The following ZAP70 variants were observed in gnomAD, a reference collection of about 807,000 sequenced individuals.
ZAP70 encodes tyrosine-protein kinase ZAP-70.
A neutral mutation model predicts 65.8 loss-of-function variants in ZAP70; 27 were observed. The ratio of observed to expected loss-of-function variants is 0.41; its 90% CI spans 0.30 to 0.57. The LOEUF (loss-of-function observed/expected upper bound fraction) is 0.57. Among genes scored for constraint, ZAP70 ranks in the 20% least tolerant of loss-of-function variants. The probability of loss-of-function intolerance (pLI) is 0.28; values close to 1 mark genes in which losing one functional copy is unlikely to be tolerated. For missense variants in ZAP70, 696 were observed against 870.5 expected (o/e 0.80, Z 2.52); for synonymous variants, 363 against 360.8 (o/e 1.01, Z -0.07).
chr2:97,718,298 G>A (rs781206794), intron 2 of ZAP70, among the ~76,000 whole-genome samples: 2 of 152,134 alleles, frequency 1.3e-5, no homozygotes, highest in African/African-American at 2.4e-5. Flanking sequence ...GCTCTAGATC[G>A]GTGCAGCTCA....
chr2:97,738,874 A>G (rs1678021665), intron 13 of ZAP70, among the ~76,000 whole-genome samples: 1 of 152,004 alleles, frequency 6.6e-6, no homozygotes, highest in African/African-American at 2.4e-5. Context: ...TAGCACCCCA[A>G]CACAGTCCAT....
chr2:97,714,676 G>T (rs1396429117), intron 2 of ZAP70, among the ~76,000 whole-genome samples: 3 of 152,218 alleles, frequency 2.0e-5, no homozygotes, highest in Non-Finnish European at 4.4e-5. Context: ...GAGGTGAGCA[G>T]CTCGAGATGA....
At chr2:97,723,820 G>A (rs1472345034) in intron 2 of ZAP70, among the ~76,000 whole-genome samples, 196 bp from the exon 3 acceptor site, 2 of 152,236 alleles carry the variant, frequency 1.3e-5, no homozygotes, top group Non-Finnish European at 2.9e-5. Flanking sequence ...TGGGGGTTTG[G>A]GACTTCTCGA....
At position 97,734,703 on chromosome 2, in the gene ZAP70, G is replaced by T; in HGVS notation, c.1073G>T (p.Arg358Leu). The T allele has an allele frequency of 1.2e-6, 2 of 1,613,838 alleles. No individual in the cohort carries two copies. The highest frequency in any genetic ancestry group is 1.7e-6 in the Non-Finnish European group (2 of 1,179,988). The part of the protein sequence containing the change: ...NFGSVRQGVY[R>L]MRKKQIDVAI... ...GGCTCAGTGCGCCAGGGCGTGTACC[G>T]CATGCGCAAGTATGGCCGCCCCTGC... The change falls in exon 9 of 14, where the codon CGC becomes CTC. Residue 358 changes from arginine to leucine, a missense_variant. This residue lies in a region of ZAP70 where 551 missense variants were observed against 630.0 expected (regional missense o/e 0.87). Transcript: ENST00000264972.
chr2:97,723,906 A>G, intron 2 of ZAP70, 110 bp from the exon 3 acceptor site: 6 of 1,266,272 alleles, frequency 4.7e-6, no homozygotes, highest in Non-Finnish European at 6.5e-6. Flanking sequence ...TGGCGAGCTC[A>G]GTCTGCGGCA....
intron 8 of ZAP70, chr2:97,733,915 T>C (rs1031773357): frequency 3.1e-5 from 15 of 486,358 alleles, no homozygotes; most frequent in Non-Finnish European, 5.6e-5. Context: ...CCTCCTGACA[T>C]GCCTTATGAA....
rs1677262905 is a variant in ZAP70 at position 97,723,963 on chromosome 2, G to C, written c.-21-53G>C. ...CTCTCGCGCCGTCTTTGGGCCCAAC[G>C]CACCAGGTTCAGGAAGGCCCTGACG... On this transcript the variant is annotated intron_variant, in intron 2 of 13. Transcript: ENST00000264972. 4 of 1,527,176 alleles carry C rather than the reference G, an allele frequency of 2.6e-6. No individual in the cohort carries two copies. In the South Asian group the frequency reaches 4.8e-5, roughly 18 times the overall value. 94.6% of individuals were successfully genotyped at this position (1,527,176 alleles called of 1,614,324 possible).
chr2:97,743,733 A>C (rs1173673190), downstream of ZAP70, among the ~76,000 whole-genome samples: 1 of 152,138 alleles, frequency 6.6e-6, no homozygotes, highest in Admixed American at 6.5e-5. Context: ...ATTATTCTCT[A>C]TTTCCTCAGA....
intron 9 of ZAP70, 82 bp downstream of exon 9, chr2:97,734,794 G>T: frequency 6.4e-7 from 1 of 1,551,840 alleles, no homozygotes; most frequent in East Asian, 2.3e-5. Flanking sequence ...GACGGGAGCC[G>T]GGATGTCTGT....
At chr2:97,741,816 T>C (rs1160101718), downstream of ZAP70, among the ~76,000 whole-genome samples, 3 of 152,238 alleles carry the variant, frequency 2.0e-5, no homozygotes, top group Non-Finnish European at 4.4e-5. Context: ...TCCTCCTCTA[T>C]TGATCATGTG....
At chr2:97,727,503 G>A (rs941268323) in intron 4 of ZAP70, among the ~76,000 whole-genome samples, 14 of 152,154 alleles carry the variant, frequency 9.2e-5, no homozygotes, top group Non-Finnish European at 1.3e-4. Context: ...TCGCCAAGAT[G>A]TTAGTAATGT....
Position 97,737,966 on chromosome 2 carries a change from C to T in ZAP70, c.1624-29C>T, listed in dbSNP as rs778036372. Reference sequence around the variant, plus strand: ...GATGAGGAGGAGGACACTGGTCACTCACAGGTGTCTCTGCCCCGGCTTGAG... The same window carrying T: ...GATGAGGAGGAGGACACTGGTCACTTACAGGTGTCTCTGCCCCGGCTTGAG... On this transcript the variant is annotated intron_variant, in intron 12 of 13. Coordinates refer to ENST00000264972, the MANE Select transcript of ZAP70 (RefSeq NM_001079.4). This position sits in a 1 kb window ranked among gnomAD's most constrained non-coding sequence, Gnocchi z 5.0. 6.2e-7 allele frequency: 1 copy of T among 1,613,958 alleles called. No homozygotes were observed.
intron 13 of ZAP70, 48 bp downstream of exon 13, chr2:97,738,155 TC>T (rs1480904658): frequency 6.6e-7 from 1 of 1,522,376 alleles, no homozygotes; most frequent in East Asian, 2.4e-5. Context: ...CCCTGGAAAG[TC>T]CTGGTGCCCG....
chr2:97,719,995 C>T (rs759649654), intron 2 of ZAP70, among the ~76,000 whole-genome samples: 14 of 152,148 alleles, frequency 9.2e-5, no homozygotes, highest in African/African-American at 1.4e-4. Flanking sequence ...GATGCGTTTG[C>T]GGAACTGCGT....
rs1382282243 is a variant in ZAP70, at chr2:97,737,131, C to G, written c.1290-342C>G. ...GCTGCTGGAGAGGACAGTGGAGGAG[C>G]CATATGTGTGTGCACATGGGGATGG... On this transcript the variant is annotated intron_variant, in intron 10 of 13. Transcript: ENST00000264972. This position sits in a 1 kb window ranked among gnomAD's most constrained non-coding sequence, Gnocchi z 5.0. Among the ~76,000 whole-genome samples, 2 of 152,032 alleles carry G rather than the reference C, an allele frequency of 1.3e-5. No individual in the cohort carries two copies. Among genetic ancestry groups the G allele is most frequent in the South Asian group, 2.1e-4 (1 of 4,820 alleles).
Position 97,736,352 on chromosome 2 carries a change from C to T in ZAP70, c.1289+896C>T, listed in dbSNP as rs894503283. On this transcript the variant is annotated intron_variant, in intron 10 of 13. Transcript: ENST00000264972. This position sits in a 1 kb window ranked among gnomAD's most constrained non-coding sequence, Gnocchi z 4.0. ...CACAAGTTCTGCACTCCCCAAGGCACGTTTTTGCTGATCTGTGCCCTCTGG... is the reference window on the plus strand; with the variant it reads ...CACAAGTTCTGCACTCCCCAAGGCATGTTTTTGCTGATCTGTGCCCTCTGG... Among the ~76,000 whole-genome samples, 4 of 152,192 alleles carry T rather than the reference C, an allele frequency of 2.6e-5. No homozygotes were observed. The highest frequency in any genetic ancestry group is 5.9e-5 in the Non-Finnish European group (4 of 68,038).
downstream of ZAP70, among the ~76,000 whole-genome samples, chr2:97,741,431 G>A (rs1020491407): frequency 6.6e-6 from 1 of 151,588 alleles, no homozygotes; most frequent in African/African-American, 2.4e-5. Context: ...AAAGCTCCCC[G>A]TCCCCCGGGG....
At chr2:97,734,482 T>G in intron 8 of ZAP70, 38 bp from the exon 9 acceptor site, 1 of 1,594,048 alleles carries the variant, frequency 6.3e-7, no homozygotes, top group Non-Finnish European at 8.5e-7. Flanking sequence ...CCCACACCCC[T>G]GCCCCTGACC....
downstream of ZAP70, among the ~76,000 whole-genome samples, chr2:97,742,050 T>G (rs1170108335): frequency 6.6e-6 from 1 of 152,122 alleles, no homozygotes; most frequent in African/African-American, 2.4e-5. Flanking sequence ...AGGAATAGTG[T>G]GTAGTGGGAG....
Sources: gnomAD v4.1 joint callset for allele counts (sites outside exome capture counted in the v4.1 genomes callset) on GRCh38, gnomAD v4.1.1 for gene constraint, gnomAD v4.1.1 regional missense constraint, Gnocchi (gnomAD v3.1) non-coding constraint, MANE v1.5 for transcripts, NCBI Gene and HGNC (gene_info 2026-07-23, HGNC 2026-07-21) for gene names.